The following GPRC5D variants were observed in gnomAD, a reference collection of about 807,000 sequenced individuals.
The protein encoded by GPRC5D is G protein-coupled receptor class C group 5 member D.
GPRC5D carries 20 observed loss-of-function variants against 29.3 expected under a neutral mutation model. The ratio of observed to expected loss-of-function variants is 0.68; its 90% CI spans 0.48 to 0.99. The LOEUF is 0.99. Among genes scored for constraint, GPRC5D ranks in the 50% least tolerant of loss-of-function variants. GPRC5D has a pLI of 0.00. For missense variants in GPRC5D, 384 were observed against 423.6 expected (o/e 0.91, Z 0.82); for synonymous variants, 178 against 171.3 (o/e 1.04, Z -0.30).
chr12:12,944,990 T>C (rs1412398723), intron 1 of GPRC5D, among the ~76,000 whole-genome samples: 1 of 149,820 alleles, frequency 6.7e-6, no homozygotes, highest in Non-Finnish European at 1.5e-5. Context: ...TCTCTCTCTC[T>C]TTCTCTCTCT....
intron 1 of GPRC5D, 96 bp downstream of exon 2, chr12:12,949,394 C>T (rs2136504106): frequency 2.8e-6 from 3 of 1,075,270 alleles, no homozygotes; most frequent in Non-Finnish European, 2.7e-6. Flanking sequence ...TGACCATTTT[C>T]TTTTAGTTTC....
upstream of GPRC5D, chr12:12,950,454 T>C: frequency 2.9e-6 from 3 of 1,033,058 alleles, no homozygotes; most frequent in South Asian, 4.4e-5. Flanking sequence ...TGAGACAAAT[T>C]GACAACTCTG....
rs17820674 is a variant in GPRC5D at position 12,949,089 on chromosome 12, G to A, written c.895+401C>T. ...ATGTCCATCACTGCTGCCAGGATCG[G>A]CTGTTGCACTTGAAGGCCAATACAT... On this transcript the variant is annotated intron_variant, in intron 1 of 2. Transcript: ENST00000228887. Among the ~76,000 whole-genome samples, 936 of 152,314 alleles carry A rather than the reference G, an allele frequency of 6.1e-3. 3 individuals carry two copies. Among genetic ancestry groups the A allele is most frequent in the Non-Finnish European group, 0.01 (687 of 68,032 alleles).
chr12:12,945,545 G>C (rs866723605), intron 1 of GPRC5D, among the ~76,000 whole-genome samples: 18 of 151,974 alleles, frequency 1.2e-4, no homozygotes, highest in African/African-American at 4.1e-4. Flanking sequence ...TATTCAGGAA[G>C]AGAAATATTC....
At chr12:12,950,510 A>C (rs1863467867), upstream of GPRC5D, 1 of 678,874 alleles carries the variant, frequency 1.5e-6, no homozygotes, top group Non-Finnish European at 2.5e-6. Context: ...TTGCTATTAA[A>C]AGTAATGGCA....
chr12:12,941,080 T>C (rs1385534968), intron 2 of GPRC5D, among the ~76,000 whole-genome samples: 1 of 151,998 alleles, frequency 6.6e-6, no homozygotes, highest in Non-Finnish European at 1.5e-5. Context: ...CCCAGATAAT[T>C]TTGTAGTTTT....
chr12:12,950,582 C>T (rs919598681), upstream of GPRC5D, among the ~76,000 whole-genome samples: 6 of 152,028 alleles, frequency 3.9e-5, no homozygotes, highest in African/African-American at 1.2e-4. Context: ...TGAGGCGGGC[C>T]GATCACTTGA....
At chr12:12,950,371 C>A in exon 1 of GPRC5D, 1 of 1,602,948 alleles carries the variant, frequency 6.2e-7, no homozygotes, top group Non-Finnish European at 8.5e-7. Context: ...GGACTCGATG[C>A]AGTCCTTGTA....
exon 1 of GPRC5D, chr12:12,950,019 G>A (rs770289058): frequency 6.2e-7 from 1 of 1,614,128 alleles, no homozygotes; most frequent in Non-Finnish European, 8.5e-7. Context: ...AGGAGAAGGA[G>A]ACACAACCCC....
upstream of GPRC5D, among the ~76,000 whole-genome samples, chr12:12,951,614 C>T (rs1863497726): frequency 6.6e-6 from 1 of 152,272 alleles, no homozygotes; most frequent in South Asian, 2.1e-4. Flanking sequence ...AATACAAAAT[C>T]TTTTTCATAA....
upstream of GPRC5D, among the ~76,000 whole-genome samples, chr12:12,951,155 C>T (rs186471398): frequency 3.2e-4 from 48 of 152,116 alleles, no homozygotes; most frequent in African/African-American, 1.1e-3. Context: ...AAAAAAGTAA[C>T]GTCAAGAACC....
At chr12:12,950,372 A>C in exon 1 of GPRC5D, 1 of 1,603,758 alleles carries the variant, frequency 6.2e-7, no homozygotes, top group Non-Finnish European at 8.5e-7. Context: ...GACTCGATGC[A>C]GTCCTTGTAC....
chr12:12,947,683 G>C (rs1863387355), intron 1 of GPRC5D, among the ~76,000 whole-genome samples: 1 of 152,028 alleles, frequency 6.6e-6, no homozygotes. Context: ...TCCCACCTCA[G>C]CCTCCTGAGT....
intron 1 of GPRC5D, among the ~76,000 whole-genome samples, chr12:12,949,157 G>A (rs1426377990): frequency 1.3e-5 from 2 of 152,162 alleles, no homozygotes; most frequent in Non-Finnish European, 2.9e-5. Flanking sequence ...CATGGTCCAG[G>A]CCTAATTTAG....
At chr12:12,946,752 G>C (rs2136500348) in intron 1 of GPRC5D, among the ~76,000 whole-genome samples, 1 of 152,170 alleles carries the variant, frequency 6.6e-6, no homozygotes, top group East Asian at 1.9e-4. Flanking sequence ...ACTGCGCCCG[G>C]CCATACTTGT....
chr12:12,941,642 G>A (rs140975604), intron 2 of GPRC5D, among the ~76,000 whole-genome samples: 62 of 152,308 alleles, frequency 4.1e-4, no homozygotes, highest in Middle Eastern at 3.4e-3. Flanking sequence ...CCAGTGTGAT[G>A]TTTTTGGCTG....
At chr12:12,944,013 C>G (rs1863214160) in intron 1 of GPRC5D, among the ~76,000 whole-genome samples, 1 of 152,166 alleles carries the variant, frequency 6.6e-6, no homozygotes. Context: ...GCTTGAGGAC[C>G]TTGGTTTGGT....
chr12:12,944,825 C>CT (rs1863245998), intron 1 of GPRC5D, among the ~76,000 whole-genome samples: 2 of 12,134 alleles, frequency 1.6e-4, no homozygotes, highest in East Asian at 3.9e-3. Context: ...TTCCTTCCTT[C>CT]CTTCCTTCCT....
chr12:12,950,135 G>A, exon 1 of GPRC5D: 1 of 1,614,152 alleles, frequency 6.2e-7, no homozygotes, highest in Non-Finnish European at 8.5e-7. Context: ...TGTTGATTGA[G>A]CTCGATGATG....
Sources: allele counts gnomAD v4.1 joint callset (sites outside exome capture counted in the v4.1 genomes callset), GRCh38; gene constraint gnomAD v4.1.1; transcripts MANE v1.5; gene names NCBI Gene and HGNC (gene_info 2026-07-23, HGNC 2026-07-21).